The following SRGAP2C variants were observed in gnomAD, a reference collection of about 807,000 sequenced individuals.
SRGAP2C encodes the protein SLIT-ROBO Rho GTPase activating protein 2C.
Under a neutral mutation model 25.1 loss-of-function variants are expected in SRGAP2C, and 15 were observed. The ratio of observed to expected loss-of-function variants is 0.60; its 90% CI spans 0.40 to 0.92. The LOEUF (loss-of-function observed/expected upper bound fraction) is 0.92, where lower values mean the gene tolerates loss of function less well. Among genes scored for constraint, SRGAP2C ranks in the 40% least tolerant of loss-of-function variants. SRGAP2C has a pLI of 0.00. For missense variants in SRGAP2C, 144 were observed against 264.4 expected (o/e 0.54, Z 3.16); for synonymous variants, 44 against 96.6 (o/e 0.46, Z 3.19).
intron 2 of SRGAP2C, among the ~76,000 whole-genome samples, chr1:121,224,014 C>G (rs1189386634): frequency 6.6e-6 from 1 of 152,074 alleles, no homozygotes; most frequent in African/African-American, 2.4e-5. Context: ...GCCTCTAAGT[C>G]ATTGAGTCTT....
chr1:121,186,416 G>C (rs1654499706), intron 1 of SRGAP2C, among the ~76,000 whole-genome samples: 1 of 96,498 alleles, frequency 1.0e-5, no homozygotes, highest in South Asian at 2.9e-4. Flanking sequence ...GCTGCCAAGA[G>C]AAGCTAGTAA....
chr1:121,233,168 A>T (rs1366694792), intron 2 of SRGAP2C, among the ~76,000 whole-genome samples: 1 of 132,440 alleles, frequency 7.6e-6, no homozygotes, highest in East Asian at 2.2e-4. Flanking sequence ...TTTTTTTGAG[A>T]CAGAGTCTTG....
intron 4 of SRGAP2C, among the ~76,000 whole-genome samples, chr1:121,350,562 A>G (rs1480899874): frequency 6.6e-6 from 1 of 152,114 alleles, no homozygotes; most frequent in African/African-American, 2.4e-5. Flanking sequence ...ATTAAATTAT[A>G]AAAACAAACC....
intron 2 of SRGAP2C, among the ~76,000 whole-genome samples, chr1:121,268,512 A>G (rs587649934): frequency 2.7e-5 from 4 of 149,630 alleles, no homozygotes; most frequent in African/African-American, 9.7e-5. Context: ...GGAGGCAGCA[A>G]GACCAGTTAG....
At chr1:121,328,889 TA>T (rs1300958463) in intron 4 of SRGAP2C, among the ~76,000 whole-genome samples, 4,146 of 75,236 alleles carry the variant, frequency 0.055, 329 homozygotes, top group African/African-American at 0.18. Context: ...CCTGTCTGTT[TA>T]AAAAAAAAAA....
At chr1:121,213,977 TG>T (rs1655331079) in intron 2 of SRGAP2C, among the ~76,000 whole-genome samples, 2 of 144,810 alleles carry the variant, frequency 1.4e-5, no homozygotes, top group South Asian at 4.2e-4. Flanking sequence ...TTAAATATCT[TG>T]TGAGCTAAGC....
chr1:121,313,095 G>C (rs1658003080), intron 3 of SRGAP2C, among the ~76,000 whole-genome samples: 1 of 40,382 alleles, frequency 2.5e-5, no homozygotes, highest in Non-Finnish European at 4.5e-5. Context: ...CTTGCTTTAT[G>C]AATCTGGGTG....
At chr1:121,354,914 G>A (rs1207304078) in intron 4 of SRGAP2C, among the ~76,000 whole-genome samples, 1 of 36,150 alleles carries the variant, frequency 2.8e-5, no homozygotes, top group Non-Finnish European at 6.1e-5. Context: ...GTGAACACCT[G>A]TAGTCCCAGC....
intron 4 of SRGAP2C, among the ~76,000 whole-genome samples, chr1:121,359,627 G>A (rs1398210417): frequency 6.6e-6 from 1 of 152,156 alleles, no homozygotes; most frequent in African/African-American, 2.4e-5. Context: ...AAATTAACCA[G>A]CGTGTTGGTA....
In SRGAP2C at chr1:121,389,418, T is replaced by A. The variant is rs2101687214; in HGVS notation, c.*1563T>A. ...CAGTATAAGATAAAGAGGGAAATGA[T>A]GGGGGATGGGTCATGTAAAGGGAGA... On this transcript the variant is annotated 3_prime_UTR_variant, in exon 10 of 10. Coordinates refer to ENST00000367123, the MANE Select transcript of SRGAP2C (RefSeq NM_001329984.2). 1.0e-5 allele frequency: 1 copy of A among 100,242 alleles called. No homozygotes were observed. Among genetic ancestry groups the A allele is most frequent in the South Asian group, 4.2e-4 (1 of 2,360 alleles). The allele number at this position is 100,242 out of a possible 1,614,324, so 6.2% of individuals were successfully genotyped here.
intron 5 of SRGAP2C, among the ~76,000 whole-genome samples, chr1:121,366,200 C>T (rs1553349486): frequency 6.8e-6 from 1 of 148,046 alleles, no homozygotes; most frequent in East Asian, 2.0e-4. Flanking sequence ...TGTCATTCTC[C>T]AGGGTTTCTC....
At chr1:121,212,303 G>A (rs1214386265) in intron 2 of SRGAP2C, among the ~76,000 whole-genome samples, 1 of 148,820 alleles carries the variant, frequency 6.7e-6, no homozygotes, top group East Asian at 2.0e-4. Flanking sequence ...GCTAATTTTT[G>A]TATTTTTTAG....
At chr1:121,218,696 G>A (rs1298655306) in intron 2 of SRGAP2C, among the ~76,000 whole-genome samples, 2 of 150,824 alleles carry the variant, frequency 1.3e-5, no homozygotes, top group Admixed American at 6.6e-5. Context: ...GCAGTGAGCC[G>A]AGATCACACC....
At chr1:121,321,083 C>G (rs1401538637) in intron 3 of SRGAP2C, among the ~76,000 whole-genome samples, 2 of 149,510 alleles carry the variant, frequency 1.3e-5, no homozygotes, top group Non-Finnish European at 3.0e-5. Flanking sequence ...TTCAGAAGTT[C>G]CAAGGCATAC....
intron 2 of SRGAP2C, among the ~76,000 whole-genome samples, chr1:121,239,178 CTATATATATATATATA>C (rs1213775206): frequency 1.7e-4 from 1 of 6,058 alleles, no homozygotes; most frequent in Non-Finnish European, 2.7e-4. Context: ...GGAAAGCAGA[CTATATATATATATATA>C]TATATATATA....
intron 2 of SRGAP2C, among the ~76,000 whole-genome samples, chr1:121,206,511 A>G (rs587710304): frequency 6.6e-6 from 1 of 152,024 alleles, no homozygotes; most frequent in Non-Finnish European, 1.5e-5. Context: ...AGTGTGATGA[A>G]GTCATTTCAG....
intron 2 of SRGAP2C, among the ~76,000 whole-genome samples, chr1:121,235,030 T>G (rs1160032169): frequency 6.7e-6 from 1 of 149,060 alleles, no homozygotes; most frequent in East Asian, 1.9e-4. Context: ...TTCTTTCTTT[T>G]TTTTTTTTTG....
intron 2 of SRGAP2C, among the ~76,000 whole-genome samples, chr1:121,263,684 T>TA (rs1656690221): frequency 6.6e-6 from 1 of 151,750 alleles, no homozygotes; most frequent in African/African-American, 2.4e-5. Context: ...TTGAATCAAA[T>TA]GCTAAGTTTT....
chr1:121,232,735 AG>A (rs1655850345), intron 2 of SRGAP2C, among the ~76,000 whole-genome samples: 1 of 152,184 alleles, frequency 6.6e-6, no homozygotes, highest in Admixed American at 6.5e-5. Context: ...TTTTGGGTTA[AG>A]GGAAGTTCAA....
Sources: gnomAD v4.1 joint callset for allele counts (sites outside exome capture counted in the v4.1 genomes callset) on GRCh38, gnomAD v4.1.1 for gene constraint, MANE v1.5 for transcripts, NCBI Gene and HGNC (gene_info 2026-07-23, HGNC 2026-07-21) for gene names.